Variants in SNX29 observed in about 807,000 individuals in gnomAD.
SNX29 encodes the protein sorting nexin 29.
In SNX29, 78 loss-of-function variants were observed where a neutral mutation model predicts 102.1. The ratio of observed to expected loss-of-function variants is 0.76; its 90% CI spans 0.64 to 0.92. The LOEUF (loss-of-function observed/expected upper bound fraction) is 0.92, where lower values mean the gene tolerates loss of function less well. Ranked by LOEUF, SNX29 falls within the 40% of genes least tolerant of loss-of-function variation. The pLI, the probability that SNX29 is intolerant of heterozygous loss-of-function variation, is 0.00. For synonymous variants in SNX29, 580 were observed against 414.5 expected, an observed-to-expected ratio of 1.40 and a Z score of -4.85; for missense variants, 1,280 against 1,061.7, an observed-to-expected ratio of 1.21 and a Z score of -2.86.
chr16:12,520,983 G>A (rs1223129642), intron 19 of SNX29, among the ~76,000 whole-genome samples: 1 of 152,120 alleles, frequency 6.6e-6, no homozygotes, highest in East Asian at 1.9e-4. Context: ...CGGATCACTT[G>A]AAGTCAGGAG....
In SNX29 at chr16:12,430,848, C is replaced by G. The variant is rs1359852064; in HGVS notation, c.2037+27319C>G. 4.7e-5 allele frequency among the ~76,000 whole-genome samples: 7 copies of G among 148,040 alleles called. No individual in the cohort carries two copies. In the East Asian group the frequency reaches 1.2e-3, roughly 25 times the overall value. On this transcript the variant is annotated intron_variant, in intron 18 of 20. Coordinates refer to ENST00000566228, the MANE Select transcript of SNX29 (RefSeq NM_032167.5). ...TTCCAGGAGGGGGTGATTCTTGACG[C>G]AGTCTTTTTTTTTTTTTTTTGAGAT... is the stretch of plus-strand genomic sequence containing the variant.
At chr16:12,415,244 G>A (rs562102672) in intron 18 of SNX29, among the ~76,000 whole-genome samples, 18 of 152,358 alleles carry the variant, frequency 1.2e-4, no homozygotes, top group East Asian at 3.9e-4. Context: ...AGGTATAAGC[G>A]CTGTACAAGC....
intron 13 of SNX29, among the ~76,000 whole-genome samples, chr16:12,149,254 G>T (rs186918819): frequency 3.5e-4 from 54 of 152,324 alleles, no homozygotes; most frequent in African/African-American, 1.0e-3. Context: ...GAGAAGGGGA[G>T]AAAGTGTGTG....
chr16:12,427,859 C>A (rs1283649120), intron 18 of SNX29, among the ~76,000 whole-genome samples: 1 of 152,204 alleles, frequency 6.6e-6, no homozygotes, highest in Non-Finnish European at 1.5e-5. Context: ...AAAGGAGAAA[C>A]CTTCTGAGGG....
At chr16:12,005,984 A>T (rs954451887) in intron 3 of SNX29, among the ~76,000 whole-genome samples, 1 of 152,170 alleles carries the variant, frequency 6.6e-6, no homozygotes, top group African/African-American at 2.4e-5. Flanking sequence ...GTAGAATTTA[A>T]AAAGTTAATT....
chr16:12,497,238 A>T (rs2088875090), intron 19 of SNX29, among the ~76,000 whole-genome samples: 1 of 152,298 alleles, frequency 6.6e-6, no homozygotes, highest in African/African-American at 2.4e-5. Flanking sequence ...AGTAAACGAA[A>T]AGCTTCATTA....
chr16:12,515,792 A>G (rs546876277), intron 19 of SNX29, among the ~76,000 whole-genome samples: 2 of 152,280 alleles, frequency 1.3e-5, no homozygotes, highest in South Asian at 4.1e-4. Context: ...ATATGCAGGC[A>G]TGCGGCAGAT....
chr16:12,091,775 CAAAAA>C (rs71408236), intron 11 of SNX29, among the ~76,000 whole-genome samples: 1 of 93,940 alleles, frequency 1.1e-5, no homozygotes, highest in African/African-American at 3.9e-5. Context: ...AGATCCTTCT[CAAAAA>C]AAAAAAAAAA....
chr16:12,545,063 G>C (rs557648886), intron 20 of SNX29, among the ~76,000 whole-genome samples: 9 of 152,162 alleles, frequency 5.9e-5, no homozygotes, highest in Non-Finnish European at 1.2e-4. Flanking sequence ...CTGTAGCATA[G>C]CCACGAAATG....
intron 14 of SNX29, among the ~76,000 whole-genome samples, chr16:12,241,212 T>C (rs577785761): frequency 6.6e-6 from 1 of 152,244 alleles, no homozygotes; most frequent in South Asian, 2.1e-4. Context: ...GAGTAATGAG[T>C]ATTGAGTAAA....
chr16:12,310,784 T>C (rs992109026), intron 15 of SNX29, among the ~76,000 whole-genome samples: 3 of 152,050 alleles, frequency 2.0e-5, no homozygotes, highest in African/African-American at 7.2e-5. Context: ...TGTCTGCTGG[T>C]TAAACCTCAG....
In SNX29 at chr16:12,390,049, T is replaced by A. The variant is rs531310992; in HGVS notation, c.1900-8397T>A. Among the ~76,000 whole-genome samples the A allele has an allele frequency of 2.0e-5, 3 of 152,244 alleles. No individual in the cohort carries two copies. In the East Asian group the frequency reaches 5.8e-4, roughly 29 times the overall value. ...TTCAGCCTGGAGGAATTCTAGGCAGTTGTTGATTTGTGCTTTTCTTATAGG... is the reference window on the plus strand; with the variant it reads ...TTCAGCCTGGAGGAATTCTAGGCAGATGTTGATTTGTGCTTTTCTTATAGG... On this transcript the variant is annotated intron_variant, in intron 16 of 20. Transcript: ENST00000566228.
chr16:11,986,504 T>A (rs2055632971), intron 1 of SNX29, among the ~76,000 whole-genome samples: 1 of 152,234 alleles, frequency 6.6e-6, no homozygotes, highest in Admixed American at 6.5e-5. Flanking sequence ...TCTGCCTTTG[T>A]TCAAAGCATA....
rs2079141232 is a variant in SNX29 at position 12,569,564 on chromosome 16, T to C, written c.*935T>C. The C allele has an allele frequency of 4.3e-6, 1 of 230,944 alleles. No individual in the cohort carries two copies. The highest frequency in any genetic ancestry group is 8.6e-6 in the Non-Finnish European group (1 of 116,710). The allele number at this position is 230,944 out of a possible 1,614,324, so 14.3% of individuals were successfully genotyped here. A position where few individuals can be genotyped will look rare whatever the true frequency, so the allele number is the denominator to read the frequency against. The stretch of plus-strand genomic sequence containing the variant: ...GTGGACACTTAACAGATCATGTGTC[T>C]CTCCACTAAAAACATTTTCCATCCC... On this transcript the variant is annotated 3_prime_UTR_variant, in exon 21 of 21. Transcript: ENST00000566228.
At chr16:12,180,597 C>T (rs938158738) in intron 13 of SNX29, among the ~76,000 whole-genome samples, 6 of 152,096 alleles carry the variant, frequency 3.9e-5, no homozygotes, top group African/African-American at 9.7e-5. Flanking sequence ...CATTCTCCTG[C>T]CTCAGCCTCC....
In SNX29 at chr16:12,235,992, G is replaced by A. The variant is rs138852556; in HGVS notation, c.1678+36309G>A. Among the ~76,000 whole-genome samples, 71 of 152,312 alleles carry A rather than the reference G, an allele frequency of 4.7e-4. 1 individual carries two copies. In the Middle Eastern group the frequency reaches 0.024, roughly 51 times the overall value. ...TTCTGTAGGACTTCTTTCTGCTAGG[G>A]TAGGGGACGGAATAAATGTTATTTA... On this transcript the variant is annotated intron_variant, in intron 14 of 20. Coordinates refer to ENST00000566228, the MANE Select transcript of SNX29 (RefSeq NM_032167.5).
intron 11 of SNX29, among the ~76,000 whole-genome samples, chr16:12,100,247 C>T (rs1361110118): frequency 2.6e-5 from 4 of 152,154 alleles, no homozygotes; most frequent in South Asian, 2.1e-4. Flanking sequence ...GCGGCACTGT[C>T]GACCTTTGGA....
chr16:12,082,911 G>A (rs545561292), intron 11 of SNX29, among the ~76,000 whole-genome samples: 2 of 152,284 alleles, frequency 1.3e-5, no homozygotes, highest in South Asian at 2.1e-4. Flanking sequence ...TGTGTCACAT[G>A]CAAGAGGAGT....
At chr16:12,318,853 G>C (rs556585622) in intron 15 of SNX29, among the ~76,000 whole-genome samples, 1 of 152,278 alleles carries the variant, frequency 6.6e-6, no homozygotes, top group East Asian at 1.9e-4. Context: ...TAAGTGATCA[G>C]CTTCTTCTAG....
Sources: allele counts gnomAD v4.1 joint callset (sites outside exome capture counted in the v4.1 genomes callset), GRCh38; gene constraint gnomAD v4.1.1; transcripts MANE v1.5; gene names NCBI Gene and HGNC (gene_info 2026-07-23, HGNC 2026-07-21).